Variants in NUDCD2 observed in about 807,000 individuals in gnomAD.
NUDCD2 encodes the protein nudC domain-containing protein 2.
NUDCD2 carries 16 observed loss-of-function variants against 20.8 expected under a neutral mutation model. That is an observed-to-expected ratio of 0.77 (90% confidence interval 0.52 to 1.17). NUDCD2 has a LOEUF of 1.17. Ranked by LOEUF, NUDCD2 falls within the 50% of genes most tolerant of loss-of-function variation. NUDCD2 has a pLI of 0.00. For synonymous variants in NUDCD2, 87 were observed against 72.8 expected (o/e 1.20, Z -1.00); for missense variants, 199 against 193.9 (o/e 1.03, Z -0.16).
rs542925514 is a variant in NUDCD2, at chr5:163,449,644, G to T, written c.*4323C>A. The stretch of plus-strand genomic sequence containing the variant: ...AAAAGATTTCAAAAAAATTTTGAAG[G>T]AATCATGCTGCCCAGTTTTAAGACT... On this transcript the variant is annotated 3_prime_UTR_variant, in exon 4 of 4. Transcript: ENST00000302764. 9 of 152,264 alleles carry T rather than the reference G, an allele frequency of 5.9e-5. No individual in the cohort carries two copies. The South Asian group carries it at 1.9e-3, about 32-fold the overall frequency. The allele number at this position is 152,264 out of a possible 1,614,324, so 9.4% of individuals were successfully genotyped here. A position where few individuals can be genotyped will look rare whatever the true frequency, so the allele number is the denominator to read the frequency against.
In NUDCD2 at chr5:163,453,727, TA is replaced by T. The variant is rs1003024426; in HGVS notation, c.*239del. Reference sequence around the variant, plus strand: ...TATGGAATTAGTAAAATGCAGCATATAAAACTTCATGCTGAGCAAAAACAAG... The same window carrying T: ...TATGGAATTAGTAAAATGCAGCATATAAACTTCATGCTGAGCAAAAACAAG... On this transcript the variant is annotated 3_prime_UTR_variant, in exon 4 of 4. Coordinates refer to ENST00000302764, the MANE Select transcript of NUDCD2 (RefSeq NM_145266.6). 4.2e-5 allele frequency: 13 copies of T among 305,988 alleles called. No homozygotes were observed. The highest frequency in any genetic ancestry group is 9.9e-5 in the Admixed American group (2 of 20,298). The allele number at this position is 305,988 out of a possible 1,614,324, so 19.0% of individuals were successfully genotyped here.
chr5:163,458,167 G>C (rs1379797515), intron 1 of NUDCD2, among the ~76,000 whole-genome samples: 3 of 151,788 alleles, frequency 2.0e-5, no homozygotes, highest in Non-Finnish European at 2.9e-5. Context: ...ATTTTTAGTA[G>C]AGATGGGGTT....
At position 163,459,846 on chromosome 5, in the gene NUDCD2, C is replaced by A; in HGVS notation, c.189+16G>T. The A allele has an allele frequency of 6.3e-7, 1 of 1,584,912 alleles. No individual in the cohort carries two copies. The highest frequency in any genetic ancestry group is 1.8e-5 in the Admixed American group (1 of 56,202). On this transcript the variant is annotated intron_variant, in intron 1 of 3. Coordinates refer to ENST00000302764, the MANE Select transcript of NUDCD2 (RefSeq NM_145266.6). ...TGGGAAGAGGAAACTGAACACAAGC[C>A]CCGAGCTGCCGCTACCTTGAGGATC...
rs911251056 is a variant in NUDCD2, at chr5:163,450,295, G to C, written c.*3672C>G. ...AAAAAGAAAAATTCCTCATGACCTG[G>C]GGTTAAGGTTCCTAGACATGACACC... is the stretch of plus-strand genomic sequence containing the variant. On this transcript the variant is annotated 3_prime_UTR_variant, in exon 4 of 4. Coordinates refer to ENST00000302764, the MANE Select transcript of NUDCD2 (RefSeq NM_145266.6). 3 of 151,984 alleles carry C rather than the reference G, an allele frequency of 2.0e-5. No individual in the cohort carries two copies. Among genetic ancestry groups the C allele is most frequent in the Non-Finnish European group, 2.9e-5 (2 of 67,994 alleles). 9.4% of individuals were successfully genotyped at this position (151,984 alleles called of 1,614,324 possible). A position where few individuals can be genotyped will look rare whatever the true frequency, so the allele number is the denominator to read the frequency against.
In NUDCD2 at chr5:163,453,921, G is replaced by A. The variant is rs755249107; in HGVS notation, c.*46C>T. ...TTACATAATCTGTTTATCTGATTAAGTTGGCAATATCTGCTAGGATCCACA... is the reference window on the plus strand; with the variant it reads ...TTACATAATCTGTTTATCTGATTAAATTGGCAATATCTGCTAGGATCCACA... On this transcript the variant is annotated 3_prime_UTR_variant, in exon 4 of 4. Coordinates refer to ENST00000302764, the MANE Select transcript of NUDCD2 (RefSeq NM_145266.6). 1.9e-6 allele frequency: 2 copies of A among 1,047,330 alleles called. No homozygotes were observed. Among genetic ancestry groups the A allele is most frequent in the Admixed American group, 4.9e-5 (2 of 40,680 alleles). The allele number at this position is 1,047,330 out of a possible 1,614,324, so 64.9% of individuals were successfully genotyped here.
In NUDCD2 at chr5:163,448,085, C is replaced by A. The variant is rs775176327; in HGVS notation, c.*5882G>T. 3.3e-5 allele frequency: 5 copies of A among 151,454 alleles called. No homozygotes were observed. The highest frequency in any genetic ancestry group is 1.2e-4 in the African/African-American group (5 of 41,166). 9.4% of individuals were successfully genotyped at this position (151,454 alleles called of 1,614,324 possible). A position where few individuals can be genotyped will look rare whatever the true frequency, so the allele number is the denominator to read the frequency against. ...CTGAGGTAGGAGGATCATGACCCCACGAGTTTGAGGCTGCAGTGAGCTATG... is the reference window on the plus strand; with the variant it reads ...CTGAGGTAGGAGGATCATGACCCCAAGAGTTTGAGGCTGCAGTGAGCTATG... On this transcript the variant is annotated 3_prime_UTR_variant, in exon 4 of 4. Coordinates refer to ENST00000302764, the MANE Select transcript of NUDCD2 (RefSeq NM_145266.6).
chr5:163,455,579 C>A (rs1043780987), intron 3 of NUDCD2, among the ~76,000 whole-genome samples: 2 of 152,058 alleles, frequency 1.3e-5, no homozygotes, highest in Non-Finnish European at 2.9e-5. Flanking sequence ...CTGGCCAACA[C>A]GGTGAAACCC....
In NUDCD2 at chr5:163,453,223, T is replaced by C. The variant is rs183090077; in HGVS notation, c.*744A>G. 2.0e-3 allele frequency: 303 copies of C among 152,334 alleles called. No homozygotes were observed. The highest frequency in any genetic ancestry group is 6.7e-3 in the African/African-American group (280 of 41,582). The allele number at this position is 152,334 out of a possible 1,614,324, so 9.4% of individuals were successfully genotyped here. ...AAATAAAAAGGACATAAATAGGATA[T>C]TGAATAAAATGTCTATAGACAATTC... On this transcript the variant is annotated 3_prime_UTR_variant, in exon 4 of 4. Transcript: ENST00000302764.
At chr5:163,458,598 A>AT (rs535060940) in intron 1 of NUDCD2, among the ~76,000 whole-genome samples, 255 of 151,218 alleles carry the variant, frequency 1.7e-3, no homozygotes, top group Non-Finnish European at 3.0e-3. Flanking sequence ...ATAAATATAT[A>AT]TTTTTTTTTA....
In NUDCD2 at chr5:163,449,300, C is replaced by T. The variant is rs201785601; in HGVS notation, c.*4667G>A. On this transcript the variant is annotated 3_prime_UTR_variant, in exon 4 of 4. Transcript: ENST00000302764. The stretch of plus-strand genomic sequence containing the variant: ...CAAAACTAATGAAGTTTAGCAAGGT[C>T]ACAGGATACAAGGTCAACAAACAAA... 2.6e-5 allele frequency: 3 copies of T among 117,598 alleles called. No homozygotes were observed. The highest frequency in any genetic ancestry group is 7.8e-5 in the African/African-American group (3 of 38,378). The allele number at this position is 117,598 out of a possible 1,614,324, so 7.3% of individuals were successfully genotyped here.
chr5:163,452,266 A>G lies in NUDCD2; in HGVS notation c.*1701T>C, dbSNP rs1001041779. On this transcript the variant is annotated 3_prime_UTR_variant, in exon 4 of 4. Transcript: ENST00000302764. ...ACACCAACGGCAATTGCACACTAGC[A>G]CAGATCTTGGCTTTTAAATATTACT... 2.8e-4 allele frequency: 42 copies of G among 152,198 alleles called. No homozygotes were observed. The highest frequency in any genetic ancestry group is 8.4e-4 in the African/African-American group (35 of 41,458). The allele number at this position is 152,198 out of a possible 1,614,324, so 9.4% of individuals were successfully genotyped here.
intron 3 of NUDCD2, among the ~76,000 whole-genome samples, chr5:163,454,572 C>T (rs1305681428): frequency 1.3e-5 from 2 of 152,176 alleles, no homozygotes; most frequent in Non-Finnish European, 2.9e-5. Context: ...AACTCCCAAC[C>T]TCCGGTGATC....
At position 163,457,133 on chromosome 5, in the gene NUDCD2, C is replaced by T. The variant is rs866817078; in HGVS notation, c.239-53G>A. On this transcript the variant is annotated intron_variant, in intron 2 of 3. Transcript: ENST00000302764. ...GCACAAATAAATTAGAGTTCTTCAT[C>T]AAGTTGTTTTTTTTTTTTTTGAGAC... The T allele has an allele frequency of 1.8e-4, 253 of 1,431,726 alleles. 1 individual carries two copies. The Middle Eastern group carries it at 2.5e-3, about 14-fold the overall frequency. 88.7% of individuals were successfully genotyped at this position (1,431,726 alleles called of 1,614,324 possible).
At chr5:163,456,876 T>C (rs1758324655) in intron 3 of NUDCD2, 53 bp downstream of exon 3, 1 of 1,162,792 alleles carries the variant, frequency 8.6e-7, no homozygotes, top group Non-Finnish European at 1.1e-6. Context: ...AATATTTATT[T>C]GATGATTTTT....
chr5:163,454,131 G>A (rs548584347), intron 3 of NUDCD2, 81 bp from the exon 4 acceptor site: 9 of 640,542 alleles, frequency 1.4e-5, no homozygotes, highest in Admixed American at 9.1e-5. Flanking sequence ...GATAAAAAAG[G>A]ATATATAAAT....
chr5:163,456,826 G>A, intron 3 of NUDCD2, 103 bp downstream of exon 3: 1 of 901,922 alleles, frequency 1.1e-6, no homozygotes, highest in Non-Finnish European at 1.5e-6. Context: ...TCTAGAAAAT[G>A]TTTGTAACTT....
At position 163,456,927 on chromosome 5, in the gene NUDCD2, ACTT is replaced by A; in HGVS notation, c.389_390+1del. 6.3e-7 allele frequency: 1 copy of A among 1,597,340 alleles called. No individual in the cohort carries two copies. Among genetic ancestry groups the A allele is most frequent in the Non-Finnish European group, 8.5e-7 (1 of 1,172,078 alleles). ...CATACTCATACACTTCATCTGACTT[ACTT>A]CTTTTTGGAATCTCTCTAATGTAAG... On this transcript the variant is annotated splice_donor_variant and coding_sequence_variant, in exon 3 of 4. Transcript: ENST00000302764. LOFTEE classifies it high-confidence loss of function.
chr5:163,457,122 G>C, intron 2 of NUDCD2, 42 bp from the exon 3 acceptor site: 6 of 1,507,384 alleles, frequency 4.0e-6, no homozygotes, highest in Non-Finnish European at 5.3e-6. Flanking sequence ...AAATAAATTA[G>C]AGTTCTTCAT....
At chr5:163,457,756 T>G in intron 1 of NUDCD2, 146 bp from the exon 2 acceptor site, 1 of 590,190 alleles carries the variant, frequency 1.7e-6, no homozygotes, top group Non-Finnish European at 3.1e-6. Flanking sequence ...ACCCTAAATT[T>G]TCTCCCAGCA....
Sources: allele counts gnomAD v4.1 joint callset (sites outside exome capture counted in the v4.1 genomes callset), GRCh38; gene constraint gnomAD v4.1.1; transcripts MANE v1.5; gene names NCBI Gene and HGNC (gene_info 2026-07-23, HGNC 2026-07-21).